Variants in IL5RA observed in about 807,000 individuals in gnomAD.
IL5RA encodes the protein interleukin 5 receptor subunit alpha.
A neutral mutation model predicts 50.0 loss-of-function variants in IL5RA; 49 were observed. The observed-to-expected ratio is 0.98, with a 90% CI of 0.78 to 1.24. The LOEUF (loss-of-function observed/expected upper bound fraction) is 1.24, where lower values mean the gene tolerates loss of function less well. IL5RA is among the 50% of genes most tolerant of loss of function. The pLI is 0.00. For missense variants in IL5RA, 600 were observed against 500.4 expected (o/e 1.20, Z -1.90); for synonymous variants, 202 against 174.0 (o/e 1.16, Z -1.26).
chr3:3,107,204 C>T (rs965972453), intron 2 of IL5RA, among the ~76,000 whole-genome samples: 6 of 151,524 alleles, frequency 4.0e-5, no homozygotes, highest in African/African-American at 1.5e-4. Context: ...GTCCTATAGG[C>T]AGCACAAGGT....
chr3:3,087,308 G>A (rs982178196), intron 9 of IL5RA, among the ~76,000 whole-genome samples: 1 of 152,258 alleles, frequency 6.6e-6, no homozygotes. Flanking sequence ...CAAGCAAAGA[G>A]CACTCACTTG....
intron 3 of IL5RA, among the ~76,000 whole-genome samples, chr3:3,103,558 TATTTGCAAG>T (rs1703757808): frequency 6.6e-6 from 1 of 152,204 alleles, no homozygotes; most frequent in South Asian, 2.1e-4. Context: ...CAGACAAAAA[TATTTGCAAG>T]CAAACTTACT....
At chr3:3,090,288 G>T (rs374821803) in intron 9 of IL5RA, 17 of 1,450,416 alleles carry the variant, frequency 1.2e-5, no homozygotes, top group Non-Finnish European at 1.3e-5. Context: ...TTTGTCTGGG[G>T]ATACACAATC....
intron 9 of IL5RA, among the ~76,000 whole-genome samples, chr3:3,089,672 A>G (rs922238531): frequency 1.3e-5 from 2 of 150,556 alleles, no homozygotes; most frequent in Non-Finnish European, 3.0e-5. Flanking sequence ...GATGTCGCCC[A>G]GGCTGGAGTA....
chr3:3,084,920 A>C (rs981790036), intron 9 of IL5RA, among the ~76,000 whole-genome samples: 1 of 152,258 alleles, frequency 6.6e-6, no homozygotes, highest in Non-Finnish European at 1.5e-5. Context: ...CCATCCCTCC[A>C]TGAGGCAGAA....
chr3:3,091,306 G>C (rs996070499), intron 9 of IL5RA, among the ~76,000 whole-genome samples: 6 of 152,216 alleles, frequency 3.9e-5, no homozygotes, highest in African/African-American at 9.7e-5. Context: ...ATAGAAGAGA[G>C]GAGAGAGAGA....
intron 4 of IL5RA, among the ~76,000 whole-genome samples, 168 bp downstream of exon 4, chr3:3,102,507 C>T (rs76448231): frequency 6.6e-6 from 1 of 152,308 alleles, no homozygotes. Flanking sequence ...ACAATACACC[C>T]GGCGCTAGCT....
At chr3:3,084,053 TAAA>T (rs11399967) in intron 9 of IL5RA, among the ~76,000 whole-genome samples, 3 of 99,438 alleles carry the variant, frequency 3.0e-5, no homozygotes, top group Non-Finnish European at 4.0e-5. Context: ...CTCCATCTCA[TAAA>T]AAAAAAAAAA....
At chr3:3,075,175 A>C (rs1343563189) in intron 10 of IL5RA, among the ~76,000 whole-genome samples, 1 of 145,510 alleles carries the variant, frequency 6.9e-6, no homozygotes. Context: ...TTCCTTCCTC[A>C]ATTATGTTTA....
At position 3,097,956 on chromosome 3, in the gene IL5RA, C is replaced by T. The variant is rs201368484; in HGVS notation, c.623G>A (p.Arg208His). The stretch of plus-strand genomic sequence containing the variant: ...GTTAACAAGCACCGCAAGCCAGTCA[C>T]GCCCTTTGCTGAGGATAAAAGTCCT... ...FPRTFILSKGRDWLAVLVNGS... is the reference protein window; with the variant it reads ...FPRTFILSKGHDWLAVLVNGS... The change falls in exon 7 of 12, where the codon CGT becomes CAT. Residue 208 changes from arginine to histidine, a missense_variant. By Grantham distance (29) the Arg-to-His change is conservative (BLOSUM62 0). Coordinates refer to ENST00000446632, the MANE Select transcript of IL5RA (RefSeq NM_175726.4). The T allele has an allele frequency of 8.6e-5, 139 of 1,614,208 alleles. No individual in the cohort carries two copies. The highest frequency in any genetic ancestry group is 1.1e-4 in the East Asian group (5 of 44,882).
At chr3:3,106,402 A>G (rs1703923241) in intron 2 of IL5RA, among the ~76,000 whole-genome samples, 1 of 152,214 alleles carries the variant, frequency 6.6e-6, no homozygotes, top group South Asian at 2.1e-4. Context: ...TTACTAATGA[A>G]ATTGGTAAAA....
At chr3:3,090,012 C>T (rs528201411) in intron 9 of IL5RA, 1 of 545,984 alleles carries the variant, frequency 1.8e-6, no homozygotes, top group African/African-American at 2.0e-5. Context: ...GTGCTAGAGT[C>T]AGTTAATCTG....
At position 3,102,748 on chromosome 3, in the gene IL5RA, G is replaced by T; in HGVS notation, c.155C>A (p.Pro52Gln). The T allele has an allele frequency of 2.5e-6, 4 of 1,609,110 alleles. No homozygotes were observed. The highest frequency in any genetic ancestry group is 2.6e-6 in the Non-Finnish European group (3 of 1,176,164). ...GLAQVLLQWK[P>Q]NPDQEQRNVN... is the part of the protein sequence containing the mutation. ...ATTCCTTTGCTCTTGATCAGGATTT[G>T]GTTTCCATTGTAAAAGAACTTGAGC... is the stretch of plus-strand genomic sequence containing the variant. The change falls in exon 4 of 12, where the codon CCA (proline) becomes CAA (glutamine). Residue 52 changes from proline to glutamine, a missense_variant. Physicochemically the swap from Pro to Gln is moderately conservative, Grantham distance 76. Transcript: ENST00000446632.
chr3:3,094,713 GTTTTTTGT>G (rs1259006138), intron 8 of IL5RA, among the ~76,000 whole-genome samples: 1 of 148,510 alleles, frequency 6.7e-6, no homozygotes, highest in African/African-American at 2.4e-5. Flanking sequence ...CATTATTTTA[GTTTTTTGT>G]TTTTTTGTTT....
intron 9 of IL5RA, among the ~76,000 whole-genome samples, chr3:3,084,407 G>A (rs1057138190): frequency 3.3e-5 from 5 of 152,162 alleles, no homozygotes; most frequent in Non-Finnish European, 7.3e-5. Context: ...AGATACTGAG[G>A]AACAGAAAAG....
chr3:3,071,649 G>A lies in IL5RA; in HGVS notation c.1177-1338C>T, dbSNP rs1702303315. Reference sequence around the variant, plus strand: ...ACATCACCCAAGCTGCAGTGCAGTGGCACAATCTCAGCTCACTGCAACCTC... The same window carrying A: ...ACATCACCCAAGCTGCAGTGCAGTGACACAATCTCAGCTCACTGCAACCTC... On this transcript the variant is annotated intron_variant, in intron 11 of 11. Coordinates refer to ENST00000446632, the MANE Select transcript of IL5RA (RefSeq NM_175726.4). Among the ~76,000 whole-genome samples, 4 of 149,404 alleles carry A rather than the reference G, an allele frequency of 2.7e-5. No homozygotes were observed. In the South Asian group the frequency reaches 8.4e-4, roughly 32 times the overall value.
rs373091060 is a variant in IL5RA at position 3,070,491 on chromosome 3, A to G, written c.1177-180T>C. Among the ~76,000 whole-genome samples the G allele has an allele frequency of 2.4e-4, 37 of 152,110 alleles. No homozygotes were observed. The East Asian group carries it at 6.2e-3, about 25-fold the overall frequency. On this transcript the variant is annotated intron_variant, in intron 11 of 11. Coordinates refer to ENST00000446632, the MANE Select transcript of IL5RA (RefSeq NM_175726.4). The stretch of plus-strand genomic sequence containing the variant: ...TACCTAGCCATACATCTATCTCCCA[A>G]ACACAGCCCACTGCTTCTCCTAAGC...
rs17883724 is a variant in IL5RA at position 3,085,360 on chromosome 3, A to G, written c.994+6864T>C. On this transcript the variant is annotated intron_variant, in intron 9 of 11. Coordinates refer to ENST00000446632, the MANE Select transcript of IL5RA (RefSeq NM_175726.4). ...AGATTATTTTGGAAGGCCTAGGGAT[A>G]GCTCATGTGGACCCTCCTACAACAT... is the stretch of plus-strand genomic sequence containing the variant. Among the ~76,000 whole-genome samples the G allele has an allele frequency of 7.5e-3, 1,138 of 152,354 alleles. 18 individuals carry two copies. Among genetic ancestry groups the G allele is most frequent in the African/African-American group, 0.025 (1,034 of 41,580 alleles).
At chr3:3,105,633 C>CCG (rs371149500) in intron 2 of IL5RA, 2 of 143,222 alleles carry the variant, frequency 1.4e-5, no homozygotes, top group African/African-American at 2.6e-5. Flanking sequence ...TTCCCCCCCC[C>CCG]ACCCCGCAAA....
Sources: gnomAD v4.1 joint callset for allele counts (sites outside exome capture counted in the v4.1 genomes callset) on GRCh38, gnomAD v4.1.1 for gene constraint, MANE v1.5 for transcripts, NCBI Gene and HGNC (gene_info 2026-07-23, HGNC 2026-07-21) for gene names.